Variants in ATP8A1 observed in about 807,000 individuals in gnomAD.
The protein encoded by ATP8A1 is phospholipid-transporting ATPase IA.
Under a neutral mutation model 177.7 loss-of-function variants are expected in ATP8A1, and 90 were observed. That is an observed-to-expected ratio of 0.51 (90% CI 0.43 to 0.60). The LOEUF (loss-of-function observed/expected upper bound fraction) is 0.60, where lower values mean the gene tolerates loss of function less well. Ranked by LOEUF, ATP8A1 falls within the 20% of genes least tolerant of loss-of-function variation. The pLI is 0.00. For synonymous variants in ATP8A1, 493 were observed against 485.9 expected (o/e 1.01, Z -0.19); for missense variants, 1,072 against 1,392.8 (o/e 0.77, Z 3.67).
chr4:42,515,065 C>T (rs924283791), intron 22 of ATP8A1, among the ~76,000 whole-genome samples: 11 of 152,170 alleles, frequency 7.2e-5, no homozygotes, highest in African/African-American at 2.4e-4. Flanking sequence ...TATTTTCTTG[C>T]TTACCCCAAT....
intron 1 of ATP8A1, among the ~76,000 whole-genome samples, chr4:42,638,236 GT>G (rs1739587740): frequency 6.6e-6 from 1 of 152,176 alleles, no homozygotes; most frequent in Admixed American, 6.6e-5. Context: ...TAAATGACAT[GT>G]TTCTTTAAGT....
chr4:42,590,210 A>G (rs1042511929), intron 7 of ATP8A1, among the ~76,000 whole-genome samples: 3 of 152,246 alleles, frequency 2.0e-5, no homozygotes, highest in Non-Finnish European at 4.4e-5. Flanking sequence ...GAAATTGATC[A>G]CAGTAACGTG....
rs1738183726 is a variant in ATP8A1, at chr4:42,627,081, C to T, written c.78G>A (p.Glu26=). ...EGYEKTDDVS[E]KTSLADQEEV... ...CCTCCTGGTCAGCCAGTGAGGTCTT[C>T]TCTGAAACATCATCTGTCTTCTCAT... Residue 26 remains glutamate, a synonymous_variant, in exon 2 of 37, where the codon GAG becomes GAA. Transcript: ENST00000381668. 1 of 1,613,878 alleles carries T rather than the reference C, an allele frequency of 6.2e-7. No homozygotes were observed. The highest frequency in any genetic ancestry group is 1.7e-5 in the Admixed American group (1 of 60,012).
At chr4:42,564,558 C>T (rs528328887) in intron 15 of ATP8A1, among the ~76,000 whole-genome samples, 20 of 152,322 alleles carry the variant, frequency 1.3e-4, no homozygotes, top group Admixed American at 2.6e-4. Flanking sequence ...TCTGGACTTG[C>T]GTGGGGCCTG....
chr4:42,498,368 T>C (rs762180985), intron 24 of ATP8A1, among the ~76,000 whole-genome samples: 3 of 152,216 alleles, frequency 2.0e-5, no homozygotes, highest in Non-Finnish European at 4.4e-5. Flanking sequence ...CTATAAGTTA[T>C]AGTCAAAACT....
chr4:42,450,336 A>G (rs1243265112), intron 30 of ATP8A1, among the ~76,000 whole-genome samples: 1 of 152,162 alleles, frequency 6.6e-6, no homozygotes, highest in Non-Finnish European at 1.5e-5. Flanking sequence ...AGAAACAGGG[A>G]GTGATTGCCA....
intron 14 of ATP8A1, among the ~76,000 whole-genome samples, chr4:42,573,827 T>C (rs1200522233): frequency 2.0e-5 from 3 of 152,188 alleles, no homozygotes; most frequent in Non-Finnish European, 4.4e-5. Context: ...CAAGTGTCCA[T>C]GCTTGTATGA....
At chr4:42,541,759 CCAGT>C (rs1447568339) in intron 20 of ATP8A1, among the ~76,000 whole-genome samples, 6 of 152,080 alleles carry the variant, frequency 3.9e-5, no homozygotes, top group Non-Finnish European at 8.8e-5. Flanking sequence ...GTGAAAGAGG[CCAGT>C]CCAGAAAGGC....
intron 30 of ATP8A1, among the ~76,000 whole-genome samples, chr4:42,447,384 T>A (rs1002060292): frequency 6.6e-6 from 1 of 152,050 alleles, no homozygotes; most frequent in Non-Finnish European, 1.5e-5. Context: ...GGTTTCACCA[T>A]GTTGACCAGG....
chr4:42,503,375 T>C (rs919565893), intron 24 of ATP8A1, 75 bp downstream of exon 24: 8 of 858,710 alleles, frequency 9.3e-6, no homozygotes, highest in Non-Finnish European at 1.5e-5. Flanking sequence ...AATATTTCCA[T>C]AGCTATCTGA....
intron 23 of ATP8A1, 137 bp downstream of exon 23, chr4:42,506,879 A>G: frequency 9.8e-7 from 1 of 1,017,952 alleles, no homozygotes; most frequent in South Asian, 1.7e-5. Flanking sequence ...CAGAGATGCA[A>G]TGGTGAAAAA....
chr4:42,572,092 A>T (rs1731962609), intron 14 of ATP8A1, among the ~76,000 whole-genome samples: 1 of 152,170 alleles, frequency 6.6e-6, no homozygotes, highest in Non-Finnish European at 1.5e-5. Flanking sequence ...ACTGAGGCAA[A>T]ATCAGCTCTG....
intron 33 of ATP8A1, among the ~76,000 whole-genome samples, chr4:42,439,214 AAG>A (rs1560324778): frequency 6.6e-6 from 1 of 152,130 alleles, no homozygotes; most frequent in East Asian, 1.9e-4. Context: ...GGACGCAGTA[AAG>A]AGAGGCATAC....
intron 30 of ATP8A1, among the ~76,000 whole-genome samples, chr4:42,449,578 C>T (rs1430870215): frequency 3.3e-5 from 5 of 152,054 alleles, no homozygotes; most frequent in South Asian, 4.1e-4. Flanking sequence ...ACAAAAGAAC[C>T]CTCCCCACTA....
intron 33 of ATP8A1, among the ~76,000 whole-genome samples, chr4:42,437,267 C>T (rs1263541739): frequency 6.6e-6 from 1 of 152,180 alleles, no homozygotes; most frequent in South Asian, 2.1e-4. Context: ...GTTTATTAAT[C>T]ATTGGCTAAA....
At chr4:42,590,093 T>A (rs1343475096) in intron 7 of ATP8A1, among the ~76,000 whole-genome samples, 1 of 152,206 alleles carries the variant, frequency 6.6e-6, no homozygotes, top group Non-Finnish European at 1.5e-5. Context: ...CAAATTATGA[T>A]GACATCTAAA....
intron 1 of ATP8A1, among the ~76,000 whole-genome samples, chr4:42,628,681 A>G (rs1216754911): frequency 6.6e-6 from 1 of 152,170 alleles, no homozygotes; most frequent in Non-Finnish European, 1.5e-5. Context: ...CTAGTTTTGT[A>G]TAATTGAAAT....
chr4:42,466,451 G>A (rs1719778045), intron 25 of ATP8A1, among the ~76,000 whole-genome samples: 1 of 152,162 alleles, frequency 6.6e-6, no homozygotes, highest in African/African-American at 2.4e-5. Flanking sequence ...TGTGCCTTCA[G>A]GAGGCCCCAC....
intron 16 of ATP8A1, among the ~76,000 whole-genome samples, chr4:42,554,653 TGAGAAA>T (rs1204802541): frequency 6.6e-6 from 1 of 152,184 alleles, no homozygotes; most frequent in African/African-American, 2.4e-5. Flanking sequence ...GAAGTGGTTA[TGAGAAA>T]AAGTTCCGGG....
Sources: allele counts gnomAD v4.1 joint callset (sites outside exome capture counted in the v4.1 genomes callset), GRCh38; gene constraint gnomAD v4.1.1; transcripts MANE v1.5; gene names NCBI Gene and HGNC (gene_info 2026-07-23, HGNC 2026-07-21).